SF3B3: variants seen among roughly 807,000 people sequenced by gnomAD.
The protein encoded by SF3B3 is SAP 130.
In SF3B3, 33 loss-of-function variants were observed where a neutral mutation model predicts 139.2. The ratio of observed to expected loss-of-function variants is 0.24; its 90% CI spans 0.18 to 0.32. The LOEUF (loss-of-function observed/expected upper bound fraction) is 0.32, where lower values mean the gene tolerates loss of function less well. Ranked by LOEUF, SF3B3 falls within the 10% of genes least tolerant of loss-of-function variation. The probability of loss-of-function intolerance (pLI) is 1.00; values close to 1 mark genes in which losing one functional copy is unlikely to be tolerated. For synonymous variants in SF3B3, 596 were observed against 563.6 expected, an observed-to-expected ratio of 1.06 and a Z score of -0.81; for missense variants, 818 against 1,509.4, an observed-to-expected ratio of 0.54 and a Z score of 7.59.
chr16:70,547,335 A>G (rs1026966679), intron 10 of SF3B3, among the ~76,000 whole-genome samples: 2 of 152,234 alleles, frequency 1.3e-5, no homozygotes, highest in African/African-American at 2.4e-5. Context: ...TCTCTAGATC[A>G]TTTAAAAACA....
intron 25 of SF3B3, 71 bp from the exon 26 acceptor site, chr16:70,571,602 C>G: frequency 6.6e-7 from 1 of 1,505,030 alleles, no homozygotes; most frequent in Non-Finnish European, 9.0e-7. Context: ...CCTACAAGTG[C>G]TGCTTTAGCA....
intron 2 of SF3B3, among the ~76,000 whole-genome samples, chr16:70,527,758 TTTTG>T (rs2050078326): frequency 6.6e-6 from 1 of 152,082 alleles, no homozygotes; most frequent in Non-Finnish European, 1.5e-5. Context: ...TGTTTTTGTT[TTTTG>T]TTTGTTTTGT....
At chr16:70,538,879 T>A (rs2050193110) in intron 7 of SF3B3, among the ~76,000 whole-genome samples, 1 of 152,220 alleles carries the variant, frequency 6.6e-6, no homozygotes. Context: ...TACTTGCAGC[T>A]TTTGTGAGCT....
At chr16:70,535,576 G>A (rs748604410) in intron 6 of SF3B3, among the ~76,000 whole-genome samples, 156 bp downstream of exon 6, 1 of 152,106 alleles carries the variant, frequency 6.6e-6, no homozygotes, top group Non-Finnish European at 1.5e-5. Context: ...TAATAAAGCT[G>A]GTGAAATATT....
At chr16:70,546,318 C>T (rs796518981) in intron 10 of SF3B3, among the ~76,000 whole-genome samples, 7 of 152,190 alleles carry the variant, frequency 4.6e-5, no homozygotes, top group African/African-American at 1.7e-4. Flanking sequence ...TCATTGGATC[C>T]TAGTGAGCAT....
At chr16:70,529,378 G>C (rs1217954801) in intron 3 of SF3B3, 179 bp downstream of exon 3, 27 of 590,128 alleles carry the variant, frequency 4.6e-5, no homozygotes, top group Non-Finnish European at 5.9e-6. Flanking sequence ...AAAACAATGG[G>C]AAAAATCTTA....
At position 70,555,062 on chromosome 16, in the gene SF3B3, T is replaced by A; in HGVS notation, c.1566T>A (p.Asp522Glu). ...GDDALVQVYP[D>E]GIRHIRADKR... ...GTTACTGACTCTAGGTCTATCCAGA[T>A]GGCATTCGGCACATACGAGCAGACA... The change falls in exon 13 of 26, where the codon GAT becomes GAA. Residue 522 changes from aspartate (D) to glutamate (E), a missense_variant. Coordinates refer to ENST00000302516, the MANE Select transcript of SF3B3 (RefSeq NM_012426.5). 1.9e-6 allele frequency: 3 copies of A among 1,614,044 alleles called. No individual in the cohort carries two copies. Among genetic ancestry groups the A allele is most frequent in the Non-Finnish European group, 2.5e-6 (3 of 1,179,942 alleles).
Position 70,575,084 on chromosome 16 carries a change from A to T in SF3B3, c.*3271A>T, listed in dbSNP as rs11645214. ...TTTGAGTGATCTGGTAGCCCAACAC[A>T]CCCTGTGAAGTTCAGGTGAACTGAA... On this transcript the variant is annotated 3_prime_UTR_variant, in exon 26 of 26. Coordinates refer to ENST00000302516, the MANE Select transcript of SF3B3 (RefSeq NM_012426.5). The T allele has an allele frequency of 1.3e-5, 2 of 151,384 alleles. No individual in the cohort carries two copies. The highest frequency in any genetic ancestry group is 4.2e-4 in the South Asian group (2 of 4,806). 9.4% of individuals were successfully genotyped at this position (151,384 alleles called of 1,614,324 possible).
At chr16:70,556,700 T>A in intron 14 of SF3B3, 186 bp from the exon 15 acceptor site, 1 of 642,468 alleles carries the variant, frequency 1.6e-6, no homozygotes, top group South Asian at 2.0e-5. Flanking sequence ...GAAAGCATGA[T>A]CTTCCCGAAG....
At chr16:70,535,479 A>G in intron 6 of SF3B3, 59 bp downstream of exon 6, 1 of 956,726 alleles carries the variant, frequency 1.0e-6, no homozygotes, top group South Asian at 1.6e-5. Context: ...ATTACAGTGT[A>G]GTCTCTTAGT....
chr16:70,530,224 G>C (rs2050108141), intron 3 of SF3B3, among the ~76,000 whole-genome samples: 1 of 151,672 alleles, frequency 6.6e-6, no homozygotes, highest in Non-Finnish European at 1.5e-5. Context: ...TGAATTCCTG[G>C]GCTCAAGCAA....
chr16:70,529,329 AAGTTGCATTTCCTTTTTAAAAG>A, intron 3 of SF3B3, 130 bp downstream of exon 3: 4 of 713,230 alleles, frequency 5.6e-6, no homozygotes, highest in Non-Finnish European at 2.3e-6. Context: ...TCTAGGTTTA[AAGTTGCATTTCCTTTTTAAAAG>A]AGTTGCATTT....
intron 15 of SF3B3, among the ~76,000 whole-genome samples, chr16:70,557,899 T>C (rs2050393026): frequency 1.3e-5 from 2 of 152,338 alleles, no homozygotes; most frequent in South Asian, 4.1e-4. Flanking sequence ...CTCAGCAAAA[T>C]ATAACAATAG....
At position 70,565,154 on chromosome 16, in the gene SF3B3, C is replaced by T; in HGVS notation, c.2553C>T (p.Ile851=). Residue 851 remains isoleucine (I), a synonymous_variant, in exon 19 of 26, where the codon ATC becomes ATT. Transcript: ENST00000302516. The part of the protein sequence containing the change: ...AFLNENLPES[I]FGAPKAGNGQ... Reference sequence around the variant, plus strand: ...TCAATGAAAACCTCCCTGAATCCATCTTTGGAGCTCCCAAGGCTGGCAATG... The same window carrying T: ...TCAATGAAAACCTCCCTGAATCCATTTTTGGAGCTCCCAAGGCTGGCAATG... 6.2e-7 allele frequency: 1 copy of T among 1,614,190 alleles called. No individual in the cohort carries two copies. Among genetic ancestry groups the T allele is most frequent in the East Asian group, 2.2e-5 (1 of 44,886 alleles).
intron 17 of SF3B3, among the ~76,000 whole-genome samples, chr16:70,562,806 A>AT (rs1459815393): frequency 6.6e-6 from 1 of 151,842 alleles, no homozygotes; most frequent in African/African-American, 2.4e-5. Flanking sequence ...CAGGCAGTTT[A>AT]TTTTTTTATT....
At chr16:70,569,964 C>T (rs777485806) in intron 23 of SF3B3, 42 bp from the exon 24 acceptor site, 1 of 1,612,244 alleles carries the variant, frequency 6.2e-7, no homozygotes, top group Non-Finnish European at 8.5e-7. Flanking sequence ...CAGGGAGGCT[C>T]CTGAGGGTGC....
chr16:70,569,816 G>A (rs1436923251), intron 23 of SF3B3, 190 bp from the exon 24 acceptor site: 9 of 587,982 alleles, frequency 1.5e-5, no homozygotes, highest in Non-Finnish European at 2.4e-5. Flanking sequence ...ATGGGTATAC[G>A]AGACCTCACT....
chr16:70,527,234 A>G (rs2050072968), intron 2 of SF3B3, among the ~76,000 whole-genome samples: 1 of 152,262 alleles, frequency 6.6e-6, no homozygotes, highest in Non-Finnish European at 1.5e-5. Flanking sequence ...TACGTTTACC[A>G]TGTGGGGAAT....
rs2050578941 is a variant in SF3B3 at position 70,576,214 on chromosome 16, A to C, written c.*4401A>C. ...GTTCAAAATGAAGAAAAAAAATATC[A>C]AAGAAAACCAGGTTTGGAAGTTTCA... is the stretch of plus-strand genomic sequence containing the variant. On this transcript the variant is annotated 3_prime_UTR_variant, in exon 26 of 26. Transcript: ENST00000302516. 6.6e-6 allele frequency: 1 copy of C among 152,200 alleles called. No individual in the cohort carries two copies. The highest frequency in any genetic ancestry group is 6.5e-5 in the Admixed American group (1 of 15,284). 9.4% of individuals were successfully genotyped at this position (152,200 alleles called of 1,614,324 possible). A position where few individuals can be genotyped will look rare whatever the true frequency, so the allele number is the denominator to read the frequency against.
Sources: allele counts gnomAD v4.1 joint callset (sites outside exome capture counted in the v4.1 genomes callset), GRCh38; gene constraint gnomAD v4.1.1; transcripts MANE v1.5; gene names NCBI Gene and HGNC (gene_info 2026-07-23, HGNC 2026-07-21).